Variants in KCNU1 observed in about 807,000 individuals in gnomAD.
KCNU1 encodes potassium channel subfamily U member 1.
Under a neutral mutation model 126.8 loss-of-function variants are expected in KCNU1, and 93 were observed. That is an observed-to-expected ratio of 0.73 (90% confidence interval 0.62 to 0.87). KCNU1 has a LOEUF of 0.87. Ranked by LOEUF, KCNU1 falls within the 40% of genes least tolerant of loss-of-function variation. KCNU1 has a pLI of 0.00. For synonymous variants in KCNU1, 523 were observed against 494.2 expected (o/e 1.06, Z -0.77); for missense variants, 1,330 against 1,367.1 (o/e 0.97, Z 0.43).
intron 8 of KCNU1, 164 bp downstream of exon 8, chr8:36,814,541 T>C: frequency 1.7e-6 from 1 of 585,458 alleles, no homozygotes; most frequent in Non-Finnish European, 3.0e-6. Context: ...TTTTCCAAAC[T>C]GCATCCCCTG....
At chr8:36,787,721 TA>T (rs1260342593) in intron 2 of KCNU1, among the ~76,000 whole-genome samples, 1 of 147,998 alleles carries the variant, frequency 6.8e-6, no homozygotes, top group Non-Finnish European at 1.5e-5. Context: ...ATATTATTAA[TA>T]ATGTATAATA....
chr8:36,907,492 A>T (rs1297450679), intron 20 of KCNU1, among the ~76,000 whole-genome samples: 1 of 152,164 alleles, frequency 6.6e-6, no homozygotes, highest in East Asian at 1.9e-4. Flanking sequence ...AACTAATCGG[A>T]TTAGCTAGAG....
At chr8:36,885,624 C>G (rs1259815323) in intron 19 of KCNU1, among the ~76,000 whole-genome samples, 3 of 152,138 alleles carry the variant, frequency 2.0e-5, no homozygotes, top group African/African-American at 7.2e-5. Flanking sequence ...GAAACCACAT[C>G]TCTACTAAAA....
chr8:36,871,540 G>A (rs545849421), intron 19 of KCNU1, among the ~76,000 whole-genome samples: 13 of 152,172 alleles, frequency 8.5e-5, no homozygotes, highest in African/African-American at 3.1e-4. Context: ...CTTCTTAAAA[G>A]CATCAGAATT....
intron 19 of KCNU1, among the ~76,000 whole-genome samples, chr8:36,871,103 A>G (rs1456814725): frequency 1.4e-4 from 21 of 152,220 alleles, no homozygotes; most frequent in Admixed American, 1.4e-3. Context: ...AGAAGACAGC[A>G]GGACTAAATA....
intron 19 of KCNU1, among the ~76,000 whole-genome samples, chr8:36,879,514 T>C (rs1182193042): frequency 6.6e-6 from 1 of 152,056 alleles, no homozygotes; most frequent in African/African-American, 2.4e-5. Context: ...TGATATGCGT[T>C]GTGCTTTCAT....
intron 2 of KCNU1, among the ~76,000 whole-genome samples, chr8:36,798,960 G>C (rs958584247): frequency 6.6e-6 from 1 of 151,998 alleles, no homozygotes; most frequent in Admixed American, 6.6e-5. Flanking sequence ...GACTCTTATC[G>C]TCGACAGTCT....
chr8:36,926,256 C>T (rs997511550), intron 24 of KCNU1, among the ~76,000 whole-genome samples: 1 of 152,110 alleles, frequency 6.6e-6, no homozygotes, highest in Non-Finnish European at 1.5e-5. Flanking sequence ...TGTATGTGAT[C>T]CTAGAGTCAT....
chr8:36,910,907 CCT>C, intron 21 of KCNU1, 21 bp from the exon 22 acceptor site: 1 of 1,360,246 alleles, frequency 7.4e-7, no homozygotes, highest in Non-Finnish European at 1.0e-6. Context: ...ACCAGTGCCT[CCT>C]CTCTCTTTTC....
chr8:36,876,787 G>A (rs1806293003), intron 19 of KCNU1, among the ~76,000 whole-genome samples: 1 of 152,108 alleles, frequency 6.6e-6, no homozygotes. Context: ...GTGTATGTAG[G>A]TATGGATATA....
intron 24 of KCNU1, chr8:36,928,850 A>G (rs1808610231): frequency 1.7e-6 from 1 of 582,494 alleles, no homozygotes; most frequent in Non-Finnish European, 3.1e-6. Context: ...TGTCAGAACC[A>G]CTCAGAGTGC....
intron 11 of KCNU1, 46 bp downstream of exon 11, chr8:36,833,705 A>G: frequency 1.8e-6 from 2 of 1,116,868 alleles, no homozygotes; most frequent in Non-Finnish European, 1.4e-6. Flanking sequence ...CTTAGTTGCA[A>G]CAATTAAAAT....
At chr8:36,814,186 G>T in intron 7 of KCNU1, 21 bp from the exon 8 acceptor site, 1 of 1,600,870 alleles carries the variant, frequency 6.2e-7, no homozygotes, top group Non-Finnish European at 8.6e-7. Context: ...GATGTTTCCT[G>T]AGTCTTCTCT....
chr8:36,827,567 G>T (rs952058032), intron 10 of KCNU1, among the ~76,000 whole-genome samples: 1 of 152,094 alleles, frequency 6.6e-6, no homozygotes, highest in African/African-American at 2.4e-5. Context: ...TGACTTCTTA[G>T]GAGACATGTT....
At chr8:36,866,684 G>C (rs1190474571) in intron 19 of KCNU1, among the ~76,000 whole-genome samples, 1 of 152,100 alleles carries the variant, frequency 6.6e-6, no homozygotes, top group Admixed American at 6.6e-5. Flanking sequence ...CACCATGCTT[G>C]ATGCTTTTGT....
Position 36,922,538 on chromosome 8 carries a change from G to T in KCNU1, c.2645G>T (p.Gly882Val). 1 of 1,613,520 alleles carries T rather than the reference G, an allele frequency of 6.2e-7. No individual in the cohort carries two copies. The highest frequency in any genetic ancestry group is 8.5e-7 in the Non-Finnish European group (1 of 1,179,650). ...HFIEQLGGLE[G>V]SLQETNLHLS... ...ATTGAACAGCTTGGTGGACTGGAAG[G>T]GTCCCTCCAAGAAACAAATCTGCAT... is the stretch of plus-strand genomic sequence containing the variant. Residue 882 changes from glycine to valine, a missense_variant, in exon 24 of 27, where the codon GGG (glycine) becomes GTG (valine). By Grantham distance (109) the Gly-to-Val change is moderately radical. Transcript: ENST00000399881.
chr8:36,927,912 A>G (rs1459112850), intron 24 of KCNU1, among the ~76,000 whole-genome samples: 1 of 148,750 alleles, frequency 6.7e-6, no homozygotes, highest in South Asian at 2.2e-4. Flanking sequence ...GAGAGAGAAC[A>G]AGAGGGAGAG....
At chr8:36,819,717 T>C (rs747453715) in intron 10 of KCNU1, among the ~76,000 whole-genome samples, 2 of 152,090 alleles carry the variant, frequency 1.3e-5, no homozygotes, top group African/African-American at 2.4e-5. Context: ...CTAATTTCCT[T>C]CTATCTCATT....
At chr8:36,860,401 A>G (rs1026901996) in intron 18 of KCNU1, among the ~76,000 whole-genome samples, 3 of 152,094 alleles carry the variant, frequency 2.0e-5, no homozygotes, top group African/African-American at 4.8e-5. Flanking sequence ...TTTTGGGTTC[A>G]CAGCATAAAC....
Sources: allele counts gnomAD v4.1 joint callset (sites outside exome capture counted in the v4.1 genomes callset), GRCh38; gene constraint gnomAD v4.1.1; transcripts MANE v1.5; gene names NCBI Gene and HGNC (gene_info 2026-07-23, HGNC 2026-07-21).